The following DYRK1B variants were observed in gnomAD, a reference collection of about 807,000 sequenced individuals.
The protein encoded by DYRK1B is dual specificity tyrosine-phosphorylation-regulated kinase 1B.
In DYRK1B, 20 loss-of-function variants were observed where a neutral mutation model predicts 57.1. The ratio of observed to expected loss-of-function variants is 0.35; its 90% CI spans 0.25 to 0.51. The LOEUF (loss-of-function observed/expected upper bound fraction) is 0.51, where lower values mean the gene tolerates loss of function less well. DYRK1B is among the 20% of genes least tolerant of loss of function. The pLI, the probability that DYRK1B is intolerant of heterozygous loss-of-function variation, is 0.96. For synonymous variants in DYRK1B, 409 were observed against 384.7 expected (o/e 1.06, Z -0.74); for missense variants, 732 against 886.3 (o/e 0.83, Z 2.21).
intron 6 of DYRK1B, 85 bp from the exon 7 acceptor site, chr19:39,827,741 A>G: frequency 1.3e-6 from 2 of 1,512,240 alleles, no homozygotes; most frequent in Admixed American, 3.9e-5. Context: ...CCAACTGAGG[A>G]CAGGCTTCTT....
chr19:39,825,733 G>C lies in DYRK1B; in HGVS notation c.1872C>G (p.Ser624Arg), dbSNP rs1367825353. ...PHLGLRGVPQ[S>R]TAASS Reference sequence around the variant, plus strand: ...GGCAGGGTCACGAGCTGGCTGCTGTGCTCTGGGGTACACCACGGAGGCCCA... The same window carrying C: ...GGCAGGGTCACGAGCTGGCTGCTGTCCTCTGGGGTACACCACGGAGGCCCA... Residue 624 changes from serine to arginine, a missense_variant, in exon 11 of 11, where the codon AGC (serine) becomes AGG (arginine). Transcript: ENST00000323039. 1 of 1,554,738 alleles carries C rather than the reference G, an allele frequency of 6.4e-7. No individual in the cohort carries two copies. The highest frequency in any genetic ancestry group is 1.4e-5 in the African/African-American group (1 of 73,222).
intron 3 of DYRK1B, 47 bp from the exon 4 acceptor site, chr19:39,830,610 G>T (rs762086878): frequency 1.2e-6 from 2 of 1,613,432 alleles, no homozygotes; most frequent in African/African-American, 2.7e-5. Context: ...AGTGACTCAT[G>T]CCAGCAGACA....
chr19:39,830,173 A>C (rs904885890), intron 4 of DYRK1B, 146 bp from the exon 5 acceptor site: 1 of 1,185,352 alleles, frequency 8.4e-7, no homozygotes, highest in East Asian at 2.4e-5. Context: ...GCGCTGGTGT[A>C]AACACTGGAT....
chr19:39,826,579 T>G lies in DYRK1B; in HGVS notation c.1411+93A>C, dbSNP rs1311225913. The G allele has an allele frequency of 5.9e-6, 8 of 1,347,612 alleles. No homozygotes were observed. In the East Asian group the frequency reaches 2.2e-4, roughly 37 times the overall value. The allele number at this position is 1,347,612 out of a possible 1,614,324, so 83.5% of individuals were successfully genotyped here. A position where few individuals can be genotyped will look rare whatever the true frequency, so the allele number is the denominator to read the frequency against. On this transcript the variant is annotated intron_variant, in intron 9 of 10. Transcript: ENST00000323039. This position sits in a 1 kb window ranked among gnomAD's most constrained non-coding sequence, Gnocchi z 6.3. ...ACAGTTCAGGATCAGTTTCGGCGCTTTGTGTGAAGACCCAGTAACCAGGTC... is the reference window on the plus strand; with the variant it reads ...ACAGTTCAGGATCAGTTTCGGCGCTGTGTGTGAAGACCCAGTAACCAGGTC...
rs752118971 is a variant in DYRK1B, at chr19:39,827,007, AG to A, written c.1096-21del. ...GTAATCCTGGCAGGGAGGGGGTGGG[AG>A]GGGGGGCAAGAGAGTGGCCGTCAGT... is the stretch of plus-strand genomic sequence containing the variant. On this transcript the variant is annotated intron_variant, in intron 8 of 10. Transcript: ENST00000323039. 1.8e-4 allele frequency: 29 copies of A among 163,064 alleles called. No homozygotes were observed. The highest frequency in any genetic ancestry group is 2.7e-4 in the South Asian group (2 of 7,500). 10.1% of individuals were successfully genotyped at this position (163,064 alleles called of 1,614,324 possible).
chr19:39,829,961 C>A lies in DYRK1B; in HGVS notation c.439G>T (p.Ala147Ser), dbSNP rs1379636626. ...TCAATCTGGGCCTGGTTCAGGAAAG[C>A]CTTTTTGTTCTTGATGATCTTGATG... ...VAIKIIKNKK[A>S]FLNQAQIELR... Residue 147 changes from alanine (A) to serine (S), a missense_variant, in exon 5 of 11, where the codon GCT becomes TCT. Physicochemically the swap from Ala to Ser is moderately conservative, Grantham distance 99. Around this residue, in one of 2 missense-constraint regions of DYRK1B, gnomAD observed 510 missense variants for 681.3 expected, o/e 0.75. Coordinates refer to ENST00000323039, the MANE Select transcript of DYRK1B (RefSeq NM_004714.3). 3.1e-6 allele frequency: 5 copies of A among 1,614,080 alleles called. No homozygotes were observed. The South Asian group carries it at 4.4e-5, about 14-fold the overall frequency.
chr19:39,832,562 A>T (rs1968867919), intron 1 of DYRK1B, among the ~76,000 whole-genome samples: 1 of 152,134 alleles, frequency 6.6e-6, no homozygotes, highest in African/African-American at 2.4e-5. Context: ...AGTCCTCTGC[A>T]GCCCTAAAAC....
chr19:39,828,422 G>T lies in DYRK1B; in HGVS notation c.682C>A (p.Leu228Met). 6.2e-7 allele frequency: 1 copy of T among 1,614,070 alleles called. No homozygotes were observed. Among genetic ancestry groups the T allele is most frequent in the Non-Finnish European group, 8.5e-7 (1 of 1,179,958 alleles). ...AQQLCTALLF[L>M]ATPELSIIHC... is the part of the protein sequence containing the mutation. ...ATGATGCTGAGCTCAGGCGTGGCCA[G>T]AAAGAGCAGTGCCGTGCAGAGCTGC... Residue 228 changes from leucine to methionine, a missense_variant, in exon 6 of 11, where the codon CTG becomes ATG. Leu to Met is a conservative substitution (Grantham distance 15). Transcript: ENST00000323039. The surrounding 1 kb of genome is among the most constrained non-coding windows in gnomAD (Gnocchi z 4.3).
chr19:39,827,696 A>G, intron 6 of DYRK1B, 40 bp from the exon 7 acceptor site: 2 of 1,594,818 alleles, frequency 1.3e-6, no homozygotes, highest in Non-Finnish European at 1.7e-6. Flanking sequence ...AGCCTCCCCT[A>G]CTGGTCCCAC....
intron 4 of DYRK1B, 68 bp from the exon 5 acceptor site, chr19:39,830,095 C>T (rs1342179185): frequency 6.4e-7 from 1 of 1,572,258 alleles, no homozygotes; most frequent in Non-Finnish European, 8.6e-7. Context: ...CATTCTTCTC[C>T]CTCCAGGCAA....
At chr19:39,833,039 A>AGG (rs1968896603) in intron 1 of DYRK1B, 1 of 985,136 alleles carries the variant, frequency 1.0e-6, no homozygotes, top group Admixed American at 6.2e-5. Context: ...GAGGGCCTCA[A>AGG]AGTCAAATCC....
Position 39,827,582 on chromosome 19 carries a change from A to G in DYRK1B, c.882T>C (p.Ile294=). The change falls in exon 7 of 11, where the codon ATT becomes ATC. Residue 294 remains isoleucine (I), a synonymous_variant. Transcript: ENST00000323039. ...GGATGCAGCCCAGGGACCACATGTCAATGGCCAGGTCGTAGGGTGTGCCCA... is the reference window on the plus strand; with the variant it reads ...GGATGCAGCCCAGGGACCACATGTCGATGGCCAGGTCGTAGGGTGTGCCCA... ...VLLGTPYDLA[I]DMWSLGCILV... is the part of the protein sequence containing the mutation. The G allele has an allele frequency of 6.2e-7, 1 of 1,614,086 alleles. No individual in the cohort carries two copies. Among genetic ancestry groups the G allele is most frequent in the Non-Finnish European group, 8.5e-7 (1 of 1,179,988 alleles).
At chr19:39,832,889 T>A in intron 1 of DYRK1B, 1 of 984,248 alleles carries the variant, frequency 1.0e-6, no homozygotes, top group Middle Eastern at 5.2e-4. Flanking sequence ...TCCCACAGTT[T>A]AGAGTGATCA....
chr19:39,832,969 G>A (rs1027890640), intron 1 of DYRK1B: 7 of 984,822 alleles, frequency 7.1e-6, no homozygotes, highest in Non-Finnish European at 6.0e-6. Flanking sequence ...TCCTACCACA[G>A]ACCTTTCTCC....
Position 39,827,549 on chromosome 19 carries a change from C to T in DYRK1B, c.915G>A (p.Glu305=), listed in dbSNP as rs1475006381. Reference sequence around the variant, plus strand: ...TGAAGAGGGGCTCTCCGGTGTGCATCTCCACAAGGATGCAGCCCAGGGACC... The same window carrying T: ...TGAAGAGGGGCTCTCCGGTGTGCATTTCCACAAGGATGCAGCCCAGGGACC... The part of the protein sequence containing the change: ...DMWSLGCILV[E]MHTGEPLFSG... Residue 305 remains glutamate (E), a synonymous_variant, in exon 7 of 11, where the codon GAG becomes GAA. Coordinates refer to ENST00000323039, the MANE Select transcript of DYRK1B (RefSeq NM_004714.3). 1.2e-6 allele frequency: 2 copies of T among 1,614,106 alleles called. No individual in the cohort carries two copies. The highest frequency in any genetic ancestry group is 2.2e-5 in the South Asian group (2 of 91,090).
Position 39,825,918 on chromosome 19 carries a change from G to A in DYRK1B, c.1687C>T (p.Leu563=). The change falls in exon 11 of 11, where the codon CTG becomes TTG. Residue 563 remains leucine, a synonymous_variant. Coordinates refer to ENST00000323039, the MANE Select transcript of DYRK1B (RefSeq NM_004714.3). ...CCGCCCACCAGGCTCACATCCATCA[G>A]CTCCGGGGGTGGTGGTGAGGTTGGT... ...PSPTSPPPPE[L]MDVSLVGGPA... The A allele has an allele frequency of 3.2e-6, 5 of 1,552,258 alleles. No homozygotes were observed. The highest frequency in any genetic ancestry group is 4.3e-6 in the Non-Finnish European group (5 of 1,150,920).
intron 8 of DYRK1B, 27 bp from the exon 9 acceptor site, chr19:39,827,014 G>T: frequency 2.4e-6 from 1 of 419,602 alleles, no homozygotes; most frequent in Non-Finnish European, 4.3e-6. Flanking sequence ...GGGAGGGGGG[G>T]CAAGAGAGTG....
At position 39,826,369 on chromosome 19, in the gene DYRK1B, C is replaced by G. The variant is rs1365609641; in HGVS notation, c.1412-83G>C. 2 of 1,154,940 alleles carry G rather than the reference C, an allele frequency of 1.7e-6. No homozygotes were observed. The highest frequency in any genetic ancestry group is 2.7e-5 in the Admixed American group (1 of 37,190). 71.5% of individuals were successfully genotyped at this position (1,154,940 alleles called of 1,614,324 possible). On this transcript the variant is annotated intron_variant, in intron 9 of 10. Coordinates refer to ENST00000323039, the MANE Select transcript of DYRK1B (RefSeq NM_004714.3). The surrounding 1 kb of genome is among the most constrained non-coding windows in gnomAD (Gnocchi z 6.3). ...GGTTTTGGGATGGCTGAGGGAAGGT[C>G]ACGGCCCAGGCTCAGGTTCAGGCTT...
intron 2 of DYRK1B, among the ~76,000 whole-genome samples, chr19:39,831,596 G>A (rs1004495267): frequency 1.3e-5 from 2 of 152,206 alleles, no homozygotes; most frequent in South Asian, 4.1e-4. Flanking sequence ...GAGAACCTAA[G>A]GAATTTAACC....
Sources: gnomAD v4.1 joint callset for allele counts (sites outside exome capture counted in the v4.1 genomes callset) on GRCh38, gnomAD v4.1.1 for gene constraint, gnomAD v4.1.1 regional missense constraint, Gnocchi (gnomAD v3.1) non-coding constraint, MANE v1.5 for transcripts, NCBI Gene and HGNC (gene_info 2026-07-23, HGNC 2026-07-21) for gene names.